The following ZNF433 variants were observed in gnomAD, a reference collection of about 807,000 sequenced individuals.
The protein encoded by ZNF433 is zinc finger protein 433.
A neutral mutation model predicts 10.6 loss-of-function variants in ZNF433; 12 were observed. That is an observed-to-expected ratio of 1.13 (90% CI 0.72 to 1.83). The LOEUF is 1.83. Ranked by LOEUF, ZNF433 falls within the 40% of genes most tolerant of loss-of-function variation. The pLI is 0.00. For synonymous variants in ZNF433, 272 were observed against 271.3 expected (o/e 1.00, Z -0.02); for missense variants, 737 against 798.0 (o/e 0.92, Z 0.92).
At chr19:12,021,952 T>C in intron 1 of ZNF433, 1 of 456,916 alleles carries the variant, frequency 2.2e-6, no homozygotes, top group Non-Finnish European at 4.4e-6. Context: ...TGATGCAGGA[T>C]GCCTGGCGGT....
intron 1 of ZNF433, among the ~76,000 whole-genome samples, chr19:12,020,807 G>C (rs1176411121): frequency 1.3e-5 from 2 of 151,678 alleles, no homozygotes; most frequent in East Asian, 3.9e-4. Flanking sequence ...GGAAGGCTGA[G>C]GCAGGAGAAT....
At chr19:12,024,725 G>A (rs1359887851) in intron 1 of ZNF433, 1 of 152,186 alleles carries the variant, frequency 6.6e-6, no homozygotes, top group Non-Finnish European at 1.5e-5. Context: ...TTCACCTACT[G>A]GTGTTATTGT....
At position 12,016,058 on chromosome 19, in the gene ZNF433, T is replaced by C. The variant is rs1226826674; in HGVS notation, c.800A>G (p.His267Arg). The change falls in exon 4 of 4, where the codon CAT becomes CGT. Residue 267 changes from histidine (H) to arginine (R), a missense_variant. Physicochemically the swap from His to Arg is conservative, Grantham distance 29. Coordinates refer to ENST00000550507, the MANE Select transcript of ZNF433 (RefSeq NM_001308348.2). ...CCCAGTGTGAGTTCTTTTATGAGCATGAAGGCATGTGGAACTATGGAATGC... is the reference window on the plus strand; with the variant it reads ...CCCAGTGTGAGTTCTTTTATGAGCACGAAGGCATGTGGAACTATGGAATGC... ...GKAFHSSTCL[H>R]AHKRTHTGEK... 6 of 1,613,948 alleles carry C rather than the reference T, an allele frequency of 3.7e-6. No individual in the cohort carries two copies. Among genetic ancestry groups the C allele is most frequent in the East Asian group, 2.2e-5 (1 of 44,874 alleles).
intron 3 of ZNF433, 149 bp downstream of exon 3, chr19:12,017,727 A>G (rs1380854465): frequency 3.1e-5 from 19 of 616,952 alleles, no homozygotes; most frequent in Non-Finnish European, 1.1e-5. Context: ...CCTACATCAC[A>G]CTTCAATATG....
chr19:12,021,239 C>A (rs1357604466), intron 1 of ZNF433, among the ~76,000 whole-genome samples: 10 of 152,074 alleles, frequency 6.6e-5, no homozygotes, highest in South Asian at 4.1e-4. Context: ...CCTCAGCCTC[C>A]CAAAGTGCTG....
chr19:12,024,816 G>A (rs1373439386), intron 1 of ZNF433: 1 of 152,070 alleles, frequency 6.6e-6, no homozygotes, highest in African/African-American at 2.4e-5. Context: ...GGATCAAATC[G>A]CTACTATGAT....
intron 1 of ZNF433, among the ~76,000 whole-genome samples, chr19:12,019,681 T>C (rs771089216): frequency 1.1e-4 from 17 of 152,216 alleles, no homozygotes; most frequent in East Asian, 3.9e-4. Flanking sequence ...CACATGTCCA[T>C]TGATGGCTGC....
chr19:12,016,226 A>G lies in ZNF433; in HGVS notation c.632T>C (p.Leu211Pro), dbSNP rs573729198. 5 of 1,614,156 alleles carry G rather than the reference A, an allele frequency of 3.1e-6. No homozygotes were observed. Among genetic ancestry groups the G allele is most frequent in the Admixed American group, 3.3e-5 (2 of 60,028 alleles). The change falls in exon 4 of 4, where the codon CTT (leucine) becomes CCT (proline). Residue 211 changes from leucine to proline, a missense_variant. Transcript: ENST00000550507. ...GKALMFLSLY[L>P]IHKRTHTGEK... is the part of the protein sequence containing the mutation. ...TCCAGTGTGAGTTCGTTTGTGGATA[A>G]GATACAAACTGAGAAACATCAAGGC...
chr19:12,015,582 T>C lies in ZNF433; in HGVS notation c.1276A>G (p.Lys426Glu). Residue 426 changes from lysine to glutamate, a missense_variant, in exon 4 of 4, where the codon AAA becomes GAA. Transcript: ENST00000550507. ...EKPYECKQCG[K>E]AFRSASLLQT... ...AGGAGTGAGGCAGATCTGAAGGCTT[T>C]CCCACATTGCTTACACTCGTAAGGT... 1 of 1,614,138 alleles carries C rather than the reference T, an allele frequency of 6.2e-7. No individual in the cohort carries two copies. Among genetic ancestry groups the C allele is most frequent in the Non-Finnish European group, 8.5e-7 (1 of 1,180,020 alleles).
Position 12,015,624 on chromosome 19 carries a change from T to A in ZNF433, c.1234A>T (p.Thr412Ser), listed in dbSNP as rs918389979. The change falls in exon 4 of 4, where the codon ACT becomes TCT. Residue 412 changes from threonine (T) to serine (S), a missense_variant. Physicochemically the swap from Thr to Ser is moderately conservative, Grantham distance 58 (BLOSUM62 1). Coordinates refer to ENST00000550507, the MANE Select transcript of ZNF433 (RefSeq NM_001308348.2). ...SSSSFRYHER[T>S]HTGEKPYECK... is the part of the protein sequence containing the mutation. ...TCGTAAGGTTTCTCTCCAGTGTGAG[T>A]TCTTTCATGATATCGGAAGGAACTG... The A allele has an allele frequency of 1.2e-6, 2 of 1,613,990 alleles. No homozygotes were observed. Among genetic ancestry groups the A allele is most frequent in the Non-Finnish European group, 1.7e-6 (2 of 1,180,002 alleles).
rs149901945 is a variant in ZNF433, at chr19:12,016,130, C to A, written c.728G>T (p.Arg243Ile). The change falls in exon 4 of 4, where the codon AGA (arginine) becomes ATA (isoleucine). Residue 243 changes from arginine (R) to isoleucine (I), a missense_variant. Arg to Ile is a moderately conservative substitution (Grantham distance 97, BLOSUM62 -3). Coordinates refer to ENST00000550507, the MANE Select transcript of ZNF433 (RefSeq NM_001308348.2). The part of the protein sequence containing the change: ...SHSSSLRIHE[R>I]THTGEKPYKC... ...ATAAGGCTTCTCCCCAGTGTGAGTT[C>A]TTTCATGTATTCGAAGGCTACTAGA... 43 of 1,614,136 alleles carry A rather than the reference C, an allele frequency of 2.7e-5. No homozygotes were observed. The Middle Eastern group carries it at 8.2e-4, about 31-fold the overall frequency.
rs188159699 is a variant in ZNF433 at position 12,021,982 on chromosome 19, G to A, written c.4-3690C>T. 1.0e-4 allele frequency: 46 copies of A among 456,650 alleles called. 1 individual carries two copies. The highest frequency in any genetic ancestry group is 4.2e-4 in the East Asian group (6 of 14,394). The allele number at this position is 456,650 out of a possible 1,614,324, so 28.3% of individuals were successfully genotyped here. On this transcript the variant is annotated intron_variant, in intron 1 of 3. Transcript: ENST00000550507. ...GGCGGTACTGGCTGCCAATTCAACC[G>A]TCACGCTGTGATAGAGACTTAGGTG...
intron 3 of ZNF433, 107 bp downstream of exon 3, chr19:12,017,769 A>G: frequency 3.9e-6 from 3 of 777,828 alleles, no homozygotes; most frequent in Non-Finnish European, 6.1e-6. Context: ...GAATAAATAG[A>G]TTGAAATTGT....
intron 1 of ZNF433, among the ~76,000 whole-genome samples, chr19:12,021,061 AC>A (rs1974471261): frequency 6.7e-6 from 1 of 149,478 alleles, no homozygotes; most frequent in African/African-American, 2.5e-5. Context: ...GCTCACTGCA[AC>A]CTCTGCCTCC....
chr19:12,031,880 TAAA>T (rs552876271), intron 1 of ZNF433, among the ~76,000 whole-genome samples: 1 of 123,428 alleles, frequency 8.1e-6, no homozygotes, highest in African/African-American at 2.9e-5. Context: ...CAAGACCCTT[TAAA>T]AAAAAAAAAA....
At chr19:12,033,579 T>TC in intron 1 of ZNF433, among the ~76,000 whole-genome samples, 2 of 151,346 alleles carry the variant, frequency 1.3e-5, no homozygotes, top group African/African-American at 2.4e-5. Context: ...TCCCAGCACT[T>TC]TGGGAGGCCA....
chr19:12,019,481 C>T (rs1974382400), intron 1 of ZNF433, among the ~76,000 whole-genome samples: 1 of 152,138 alleles, frequency 6.6e-6, no homozygotes, highest in Non-Finnish European at 1.5e-5. Flanking sequence ...TCCTTGTGCT[C>T]TGTTTAAAGG....
chr19:12,018,598 C>A, intron 1 of ZNF433: 2 of 212,610 alleles, frequency 9.4e-6, no homozygotes, highest in Middle Eastern at 1.6e-3. Flanking sequence ...CCTGCCATAA[C>A]AAAGTCTTCC....
chr19:12,033,754 G>A (rs186629991), intron 1 of ZNF433, among the ~76,000 whole-genome samples: 8 of 151,996 alleles, frequency 5.3e-5, no homozygotes, highest in African/African-American at 7.2e-5. Flanking sequence ...CCCGGGAGGC[G>A]GAGCTTGCAG....
Sources: gnomAD v4.1 joint callset for allele counts (sites outside exome capture counted in the v4.1 genomes callset) on GRCh38, gnomAD v4.1.1 for gene constraint, MANE v1.5 for transcripts, NCBI Gene and HGNC (gene_info 2026-07-23, HGNC 2026-07-21) for gene names.